The following TRDN variants were observed in gnomAD, a reference collection of about 807,000 sequenced individuals.
The protein encoded by TRDN is triadin in skeletal muscle.
Under a neutral mutation model 149.7 loss-of-function variants are expected in TRDN, and 161 were observed. The observed-to-expected ratio is 1.08, with a 90% CI of 0.95 to 1.23. The LOEUF (loss-of-function observed/expected upper bound fraction) is 1.23. Among genes scored for constraint, TRDN ranks in the 50% most tolerant of loss-of-function variants. The probability of loss-of-function intolerance (pLI) is 0.00; values close to 1 mark genes in which losing one functional copy is unlikely to be tolerated. For synonymous variants in TRDN, 294 were observed against 250.5 expected (o/e 1.17, Z -1.64); for missense variants, 896 against 823.5 (o/e 1.09, Z -1.08).
At chr6:123,318,805 C>T (rs1227668683) in intron 23 of TRDN, among the ~76,000 whole-genome samples, 1 of 151,986 alleles carries the variant, frequency 6.6e-6, no homozygotes, top group African/African-American at 2.4e-5. Flanking sequence ...AATATTTATA[C>T]CAACTATGGG....
chr6:123,450,443 A>G (rs558475246), intron 10 of TRDN, among the ~76,000 whole-genome samples: 17 of 152,270 alleles, frequency 1.1e-4, no homozygotes, highest in Non-Finnish European at 1.8e-4. Flanking sequence ...CTATTCTTAT[A>G]TCAGACAAGA....
intron 21 of TRDN, among the ~76,000 whole-genome samples, chr6:123,347,784 T>C (rs1780312855): frequency 6.6e-6 from 1 of 152,062 alleles, no homozygotes; most frequent in Non-Finnish European, 1.5e-5. Context: ...CTTAATACAA[T>C]AATATTTGCT....
At chr6:123,264,309 T>A (rs1776865232) in intron 33 of TRDN, among the ~76,000 whole-genome samples, 1 of 152,048 alleles carries the variant, frequency 6.6e-6, no homozygotes, top group South Asian at 2.1e-4. Context: ...GAAATTGATT[T>A]TGACTCTTAC....
chr6:123,457,153 C>T (rs13194849), intron 10 of TRDN, among the ~76,000 whole-genome samples: 25,723 of 152,094 alleles, frequency 0.17, 2,348 homozygotes, highest in South Asian at 0.28. Context: ...AGTAAAAAAC[C>T]ATTTCTTTTA....
chr6:123,584,345 C>G (rs888507714), intron 1 of TRDN, among the ~76,000 whole-genome samples: 3 of 151,994 alleles, frequency 2.0e-5, no homozygotes, highest in African/African-American at 4.8e-5. Context: ...GTGATTTTGA[C>G]GGCCTCTAAA....
chr6:123,529,006 A>C, intron 5 of TRDN: 2 of 1,316,560 alleles, frequency 1.5e-6, no homozygotes, highest in Non-Finnish European at 9.7e-7. Flanking sequence ...TTAATTATGG[A>C]AGACTTGCTA....
Position 123,279,040 on chromosome 6 carries a change from C to A in TRDN, c.1537+16G>T. On this transcript the variant is annotated intron_variant, in intron 25 of 40. Coordinates refer to ENST00000334268, the MANE Select transcript of TRDN (RefSeq NM_006073.4). ...CATATGTACGTGTTTGTTTATTGAG[C>A]ATGCATATAACATACGTGGAGGTTT... 2 of 1,603,344 alleles carry A rather than the reference C, an allele frequency of 1.2e-6. No homozygotes were observed. The highest frequency in any genetic ancestry group is 1.7e-6 in the Non-Finnish European group (2 of 1,175,610).
At chr6:123,376,571 A>T (rs1781516217) in intron 18 of TRDN, among the ~76,000 whole-genome samples, 1 of 152,156 alleles carries the variant, frequency 6.6e-6, no homozygotes, top group Non-Finnish European at 1.5e-5. Context: ...TATATAAGGT[A>T]GAAAAGGGAA....
At chr6:123,579,311 T>A (rs981503576) in intron 1 of TRDN, among the ~76,000 whole-genome samples, 1 of 152,158 alleles carries the variant, frequency 6.6e-6, no homozygotes, top group Non-Finnish European at 1.5e-5. Context: ...TTGAGGTATG[T>A]TCCTTCAATA....
intron 23 of TRDN, among the ~76,000 whole-genome samples, chr6:123,326,706 T>C (rs985089987): frequency 6.6e-6 from 1 of 152,018 alleles, no homozygotes; most frequent in Non-Finnish European, 1.5e-5. Context: ...ACATTATAAA[T>C]TAACCAAGAA....
At chr6:123,297,165 T>C (rs1778234216) in intron 24 of TRDN, among the ~76,000 whole-genome samples, 1 of 151,970 alleles carries the variant, frequency 6.6e-6, no homozygotes, top group Non-Finnish European at 1.5e-5. Context: ...TTTTTAAAGT[T>C]TTTTTTGAGG....
At chr6:123,298,342 T>C (rs1219513889) in intron 24 of TRDN, among the ~76,000 whole-genome samples, 8 of 152,022 alleles carry the variant, frequency 5.3e-5, no homozygotes, top group Admixed American at 5.3e-4. Flanking sequence ...TCCTTTTAGA[T>C]GTCCTTTCTC....
intron 1 of TRDN, among the ~76,000 whole-genome samples, chr6:123,597,498 A>T (rs1393608891): frequency 6.6e-6 from 1 of 152,138 alleles, no homozygotes; most frequent in East Asian, 1.9e-4. Flanking sequence ...CCAATATTGA[A>T]AGAAGTTCTC....
chr6:123,332,402 C>A (rs1933893), intron 22 of TRDN, among the ~76,000 whole-genome samples: 1 of 151,554 alleles, frequency 6.6e-6, no homozygotes, highest in Non-Finnish European at 1.5e-5. Context: ...AGAATAAGAC[C>A]AAAATAAAAT....
intron 23 of TRDN, among the ~76,000 whole-genome samples, chr6:123,329,103 A>C (rs1354153576): frequency 6.6e-6 from 1 of 152,188 alleles, no homozygotes; most frequent in Non-Finnish European, 1.5e-5. Flanking sequence ...TTAAAAAGCC[A>C]GAGTCCTTGT....
chr6:123,464,059 GTAC>G (rs2114705838), intron 10 of TRDN, among the ~76,000 whole-genome samples: 1 of 152,210 alleles, frequency 6.6e-6, no homozygotes, highest in Admixed American at 6.5e-5. Flanking sequence ...ACCTCCATTT[GTAC>G]TGTTGTAAAA....
intron 22 of TRDN, among the ~76,000 whole-genome samples, chr6:123,335,977 G>A (rs1057106574): frequency 6.6e-5 from 10 of 152,036 alleles, no homozygotes; most frequent in Admixed American, 3.3e-4. Context: ...TGGAGGCTGG[G>A]AATGGAACTG....
chr6:123,316,117 T>C (rs914708322), intron 24 of TRDN, among the ~76,000 whole-genome samples: 2 of 151,896 alleles, frequency 1.3e-5, no homozygotes, highest in Admixed American at 1.3e-4. Flanking sequence ...ATGCTCTGTA[T>C]GGAGCCTCTG....
At chr6:123,360,057 G>A (rs1780839454) in intron 20 of TRDN, among the ~76,000 whole-genome samples, 1 of 152,024 alleles carries the variant, frequency 6.6e-6, no homozygotes. Context: ...ACAAGTGCAG[G>A]AAGCGCAGGT....
Sources: allele counts gnomAD v4.1 joint callset (sites outside exome capture counted in the v4.1 genomes callset), GRCh38; gene constraint gnomAD v4.1.1; transcripts MANE v1.5; gene names NCBI Gene and HGNC (gene_info 2026-07-23, HGNC 2026-07-21).